The following SPRY3 variants were observed in gnomAD, a reference collection of about 807,000 sequenced individuals.
The protein encoded by SPRY3 is sprouty RTK signaling antagonist 3, also known as protein sprouty homolog 3.
A neutral mutation model predicts 20.2 loss-of-function variants in SPRY3; 15 were observed. That is an observed-to-expected ratio of 0.74 (90% CI 0.50 to 1.14). The LOEUF (loss-of-function observed/expected upper bound fraction) is 1.14. Among genes scored for constraint, SPRY3 ranks in the 50% most tolerant of loss-of-function variants. The pLI is 0.00. For missense variants in SPRY3, 364 were observed against 363.9 expected (o/e 1.00, Z 0.00); for synonymous variants, 143 against 136.5 (o/e 1.05, Z -0.33).
intron 2 of SPRY3, among the ~76,000 whole-genome samples, chrX:155,672,491 A>C (rs1246607565): frequency 8.9e-6 from 1 of 111,875 alleles, no homozygotes; most frequent in East Asian, 2.8e-4. Context: ...CCATCAGAGA[A>C]ATGCAAATCA....
intron 2 of SPRY3, among the ~76,000 whole-genome samples, chrX:155,711,493 T>G (rs2090985884): frequency 7.2e-6 from 1 of 139,152 alleles, no homozygotes; most frequent in East Asian, 2.0e-4. Flanking sequence ...TGGTATCAGT[T>G]GCTATGTCTT....
chrX:155,745,412 C>A (rs1371818014), intron 2 of SPRY3, among the ~76,000 whole-genome samples: 4 of 152,012 alleles, frequency 2.6e-5, no homozygotes, highest in South Asian at 2.1e-4. Flanking sequence ...GAGCTACTGA[C>A]AACTTCTTAG....
intron 2 of SPRY3, among the ~76,000 whole-genome samples, chrX:155,710,667 T>C (rs1486686787): frequency 6.6e-6 from 1 of 151,816 alleles, no homozygotes; most frequent in Non-Finnish European, 1.5e-5. Flanking sequence ...TTCTCTTGTC[T>C]GATTGCTCTA....
intron 2 of SPRY3, among the ~76,000 whole-genome samples, chrX:155,693,349 A>C (rs770059418): frequency 2.4e-4 from 27 of 112,108 alleles, no homozygotes; most frequent in African/African-American, 8.4e-4. Flanking sequence ...CATCCTCTGC[A>C]TAGTTTCAAT....
chrX:155,781,121 G>C (rs1425231894), downstream of SPRY3: 3 of 166,980 alleles, frequency 1.8e-5, no homozygotes, highest in Non-Finnish European at 4.4e-5. Context: ...TAGAGAGAGA[G>C]AGAGAGATGG....
intron 2 of SPRY3, among the ~76,000 whole-genome samples, chrX:155,711,276 A>G (rs765589374): frequency 1.3e-5 from 2 of 151,728 alleles, no homozygotes; most frequent in South Asian, 2.1e-4. Flanking sequence ...AGTGAAGCCA[A>G]TGGGTCCCAA....
chrX:155,704,475 T>C (rs1310818801), intron 2 of SPRY3, among the ~76,000 whole-genome samples: 1 of 151,676 alleles, frequency 6.6e-6, no homozygotes, highest in African/African-American at 2.4e-5. Context: ...ATAAATTGAT[T>C]ACATTGAGAC....
chrX:155,708,662 G>T (rs1210771646), intron 2 of SPRY3, among the ~76,000 whole-genome samples: 1 of 151,180 alleles, frequency 6.6e-6, no homozygotes, highest in Non-Finnish European at 1.5e-5. Context: ...GAGATATTTT[G>T]GTACAGATAG....
chrX:155,747,805 G>A (rs184102329), intron 2 of SPRY3, among the ~76,000 whole-genome samples: 776 of 151,974 alleles, frequency 5.1e-3, no homozygotes, highest in Middle Eastern at 0.044. Context: ...ACACTCTAGA[G>A]CAGTGCTTCT....
intron 2 of SPRY3, among the ~76,000 whole-genome samples, chrX:155,672,238 T>C (rs1329692781): frequency 9.0e-6 from 1 of 110,726 alleles, no homozygotes; most frequent in African/African-American, 3.3e-5. Context: ...CTAAAGAGCT[T>C]CTGCACAGCA....
intron 2 of SPRY3, among the ~76,000 whole-genome samples, chrX:155,679,387 G>C (rs944867485): frequency 9.5e-6 from 1 of 105,017 alleles, no homozygotes; most frequent in African/African-American, 3.5e-5. Flanking sequence ...TTTGGTGTGT[G>C]ATGAAGCCTG....
chrX:155,777,857 T>C, downstream of SPRY3: 1 of 166,610 alleles, frequency 6.0e-6, no homozygotes. Flanking sequence ...CTTCCACATA[T>C]TGGTTCCTTG....
intron 2 of SPRY3, among the ~76,000 whole-genome samples, chrX:155,730,541 A>G (rs1324227080): frequency 6.6e-6 from 1 of 152,170 alleles, no homozygotes; most frequent in East Asian, 1.9e-4. Context: ...ACATACCTCA[A>G]TATAATAAAA....
intron 2 of SPRY3, among the ~76,000 whole-genome samples, chrX:155,764,085 T>A (rs765479765): frequency 6.6e-6 from 1 of 152,272 alleles, no homozygotes; most frequent in African/African-American, 2.4e-5. Context: ...GAAATAGATG[T>A]GTTGATCTGT....
At chrX:155,620,316 T>C (rs915922305) in intron 1 of SPRY3, among the ~76,000 whole-genome samples, 2 of 111,488 alleles carry the variant, frequency 1.8e-5, no homozygotes, top group African/African-American at 6.5e-5. Flanking sequence ...AAACACACTT[T>C]CCCTATGACT....
intron 1 of SPRY3, among the ~76,000 whole-genome samples, chrX:155,654,917 T>G (rs2067987649): frequency 9.0e-6 from 1 of 111,354 alleles, no homozygotes; most frequent in African/African-American, 3.3e-5. Context: ...GTAGTTCTAT[T>G]TTTCGTTCTT....
chrX:155,733,326 T>C (rs1286133715), intron 2 of SPRY3, among the ~76,000 whole-genome samples: 2 of 150,136 alleles, frequency 1.3e-5, no homozygotes, highest in Admixed American at 6.7e-5. Flanking sequence ...TGTATATATA[T>C]ACACATATAT....
chrX:155,629,964 C>T (rs2124527440), intron 1 of SPRY3, among the ~76,000 whole-genome samples: 1 of 111,901 alleles, frequency 8.9e-6, no homozygotes, highest in African/African-American at 3.2e-5. Flanking sequence ...CACTGTGTAG[C>T]TTTTCCCATA....
intron 3 of SPRY3, 128 bp from the exon 3 acceptor site, chrX:155,773,638 T>G: frequency 1.7e-6 from 1 of 578,446 alleles, no homozygotes; most frequent in South Asian, 2.4e-5. Flanking sequence ...AGAATAAAGG[T>G]GTAGCATGAA....
Sources: gnomAD v4.1 joint callset for allele counts (sites outside exome capture counted in the v4.1 genomes callset) on GRCh38, gnomAD v4.1.1 for gene constraint, MANE v1.5 for transcripts, NCBI Gene and HGNC (gene_info 2026-07-23, HGNC 2026-07-21) for gene names.